The following NAV3 variants were observed in gnomAD, a reference collection of about 807,000 sequenced individuals.
NAV3 encodes the protein neuron navigator 3, also known as pore membrane and/or filament interacting like protein 1.
In NAV3, 87 loss-of-function variants were observed where a neutral mutation model predicts 244.7. The observed-to-expected ratio is 0.36, with a 90% confidence interval of 0.30 to 0.42. NAV3 has a LOEUF of 0.42. NAV3 is among the 20% of genes least tolerant of loss of function. The probability of loss-of-function intolerance (pLI) is 1.00; values close to 1 mark genes in which losing one functional copy is unlikely to be tolerated. For missense variants in NAV3, 2,663 were observed against 2,893.3 expected (o/e 0.92, Z 1.83); for synonymous variants, 1,126 against 1,042.2 (o/e 1.08, Z -1.55).
intron 18 of NAV3, among the ~76,000 whole-genome samples, chr12:78,132,560 A>G (rs979839971): frequency 4.6e-5 from 7 of 152,162 alleles, no homozygotes; most frequent in Non-Finnish European, 1.0e-4. Context: ...GTCACTTTTG[A>G]GAGTGAATGG....
intron 1 of NAV3, among the ~76,000 whole-genome samples, chr12:77,878,431 G>A (rs1468496597): frequency 6.6e-6 from 1 of 151,912 alleles, no homozygotes; most frequent in East Asian, 1.9e-4. Flanking sequence ...GTTTCACCAT[G>A]TTGGTCAGGC....
chr12:78,179,411 C>A lies in NAV3; in HGVS notation c.5364-118C>A. 3.3e-6 allele frequency: 4 copies of A among 1,196,694 alleles called. 1 individual carries two copies. In the South Asian group the frequency reaches 4.7e-5, roughly 14 times the overall value. The allele number at this position is 1,196,694 out of a possible 1,614,324, so 74.1% of individuals were successfully genotyped here. The stretch of plus-strand genomic sequence containing the variant: ...TCTCCTTTTCTCTAGGTTTTGCCAG[C>A]AGCACACCATATCTGTACCTGCTGG... On this transcript the variant is annotated intron_variant, in intron 28 of 39. Transcript: ENST00000397909.
intron 2 of NAV3, among the ~76,000 whole-genome samples, chr12:77,798,130 C>A (rs1274541420): frequency 6.6e-6 from 1 of 151,392 alleles, no homozygotes; most frequent in Non-Finnish European, 1.5e-5. Context: ...CCACTGCACT[C>A]CCTCCTGGGC....
chr12:78,050,686 C>G (rs2137240355), intron 10 of NAV3, 78 bp from the exon 11 acceptor site: 1 of 1,451,228 alleles, frequency 6.9e-7, no homozygotes, highest in Non-Finnish European at 9.3e-7. Flanking sequence ...TCAACTCCAG[C>G]CTTTTCTGTC....
intron 2 of NAV3, among the ~76,000 whole-genome samples, chr12:77,640,557 A>G (rs1410307264): frequency 6.6e-6 from 1 of 152,130 alleles, no homozygotes; most frequent in African/African-American, 2.4e-5. Flanking sequence ...ACTTAGCATA[A>G]TATCTGCCAG....
intron 9 of NAV3, among the ~76,000 whole-genome samples, chr12:78,039,582 G>C (rs1880502784): frequency 6.6e-6 from 1 of 151,982 alleles, no homozygotes; most frequent in Non-Finnish European, 1.5e-5. Flanking sequence ...AATATGGATG[G>C]GGTAGAGGGC....
At chr12:77,963,899 CT>C in intron 3 of NAV3, among the ~76,000 whole-genome samples, 1 of 19,852 alleles carries the variant, frequency 5.0e-5, no homozygotes, top group South Asian at 2.4e-3. Context: ...CCTTCTCCTT[CT>C]CCTTCCTTCT....
At chr12:78,037,275 G>A in intron 9 of NAV3, 1 of 702,998 alleles carries the variant, frequency 1.4e-6, no homozygotes. Context: ...CAGAAGCTGG[G>A]CTGAAGAGGA....
At chr12:78,005,632 T>C (rs1254746258) in intron 7 of NAV3, among the ~76,000 whole-genome samples, 1 of 152,202 alleles carries the variant, frequency 6.6e-6, no homozygotes, top group Non-Finnish European at 1.5e-5. Context: ...ATGTTTGACA[T>C]TCCAAGAAAA....
chr12:78,068,852 T>C (rs925390957), intron 12 of NAV3, among the ~76,000 whole-genome samples: 1 of 151,732 alleles, frequency 6.6e-6, no homozygotes, highest in Non-Finnish European at 1.5e-5. Context: ...TCCTTTTATA[T>C]TACATGATAT....
Position 78,177,302 on chromosome 12 carries a change from A to C in NAV3, c.5286A>C (p.Gln1762His), listed in dbSNP as rs746173651. ...GCTCAGCATCCATGAAGCCCTCACAATCTGCTTCAGCGTAAGTTGCTCCTT... is the reference window on the plus strand; with the variant it reads ...GCTCAGCATCCATGAAGCCCTCACACTCTGCTTCAGCGTAAGTTGCTCCTT... ...DCGSASMKPSQSASASPLVWP... is the reference protein window; with the variant it reads ...DCGSASMKPSHSASASPLVWP... Residue 1762 changes from glutamine (Q) to histidine (H), a missense_variant, in exon 27 of 40, where the codon CAA becomes CAC. Gln to His is a conservative substitution (Grantham distance 24). Around this residue, in one of 6 missense-constraint regions of NAV3, gnomAD observed 193 missense variants for 200.7 expected, o/e 0.96. Transcript: ENST00000397909. 5.0e-6 allele frequency: 8 copies of C among 1,609,342 alleles called. No homozygotes were observed. Among genetic ancestry groups the C allele is most frequent in the Non-Finnish European group, 5.1e-6 (6 of 1,178,732 alleles).
chr12:78,081,288 T>A (rs913774581), intron 12 of NAV3, among the ~76,000 whole-genome samples: 1 of 152,204 alleles, frequency 6.6e-6, no homozygotes, highest in South Asian at 2.1e-4. Context: ...CAACAGGCAC[T>A]CTTATGCCTT....
chr12:78,001,288 A>T (rs985158606), intron 7 of NAV3, among the ~76,000 whole-genome samples: 10 of 152,178 alleles, frequency 6.6e-5, no homozygotes, highest in African/African-American at 2.4e-4. Context: ...AAATAAGAAT[A>T]CTTAAATTAA....
chr12:78,016,419 T>C (rs1433482167), intron 8 of NAV3, among the ~76,000 whole-genome samples: 8 of 152,174 alleles, frequency 5.3e-5, no homozygotes, highest in Non-Finnish European at 7.4e-5. Flanking sequence ...CCTCTTTTTG[T>C]CAACCATGAG....
At chr12:77,728,069 T>C (rs1417882310) in intron 2 of NAV3, among the ~76,000 whole-genome samples, 1 of 151,866 alleles carries the variant, frequency 6.6e-6, no homozygotes, top group Non-Finnish European at 1.5e-5. Context: ...GTGAAATGTG[T>C]ACTCCAAACT....
intron 12 of NAV3, among the ~76,000 whole-genome samples, chr12:78,074,380 C>T (rs1952938118): frequency 6.6e-6 from 1 of 152,108 alleles, no homozygotes; most frequent in South Asian, 2.1e-4. Context: ...AAAGACGACA[C>T]CTGAAGTGAG....
chr12:77,714,435 GTC>G (rs1329872386), intron 2 of NAV3, among the ~76,000 whole-genome samples: 1 of 152,054 alleles, frequency 6.6e-6, no homozygotes, highest in Non-Finnish European at 1.5e-5. Flanking sequence ...TTCCTGATCT[GTC>G]TGACTTTATC....
intron 5 of NAV3, among the ~76,000 whole-genome samples, chr12:77,986,872 A>G (rs933050807): frequency 1.3e-5 from 2 of 151,942 alleles, no homozygotes; most frequent in East Asian, 1.9e-4. Flanking sequence ...GAATTAGTAG[A>G]AAAAAAATGT....
intron 2 of NAV3, among the ~76,000 whole-genome samples, chr12:77,710,135 C>A (rs776220438): frequency 6.6e-6 from 1 of 152,212 alleles, no homozygotes; most frequent in South Asian, 2.1e-4. Flanking sequence ...CTTATTAGGG[C>A]GTGCACTTTT....
Sources: gnomAD v4.1 joint callset for allele counts (sites outside exome capture counted in the v4.1 genomes callset) on GRCh38, gnomAD v4.1.1 for gene constraint, gnomAD v4.1.1 regional missense constraint, MANE v1.5 for transcripts, NCBI Gene and HGNC (gene_info 2026-07-23, HGNC 2026-07-21) for gene names.